EVC2: variants seen among roughly 807,000 people sequenced by gnomAD.
EVC2 encodes the protein EvC ciliary complex subunit 2, also known as limbin.
In EVC2, 148 loss-of-function variants were observed where a neutral mutation model predicts 149.3. The ratio of observed to expected loss-of-function variants is 0.99; its 90% CI spans 0.87 to 1.14. EVC2 has a LOEUF of 1.14. Ranked by LOEUF, EVC2 falls within the 50% of genes most tolerant of loss-of-function variation. The pLI, the probability that EVC2 is intolerant of heterozygous loss-of-function variation, is 0.00. For missense variants in EVC2, 1,854 were observed against 1,627.3 expected (o/e 1.14, Z -2.40); for synonymous variants, 776 against 649.9 (o/e 1.19, Z -2.95).
chr4:5,536,640 T>C, the EVC2 span, among the ~76,000 whole-genome samples: 49 of 152,034 alleles, frequency 3.2e-4, 1 homozygote, highest in South Asian at 8.3e-4. Flanking sequence ...AAAAATTAGC[T>C]GGGCATGGTG....
At chr4:5,571,022 G>A (rs1722612424) in intron 19 of EVC2, among the ~76,000 whole-genome samples, 1 of 152,070 alleles carries the variant, frequency 6.6e-6, no homozygotes, top group Non-Finnish European at 1.5e-5. Flanking sequence ...AAGGATAAAA[G>A]ACTACACATT....
intron 16 of EVC2, among the ~76,000 whole-genome samples, chr4:5,591,740 A>C (rs571058705): frequency 6.6e-6 from 1 of 152,288 alleles, no homozygotes; most frequent in South Asian, 2.1e-4. Context: ...GTGTCTCTAG[A>C]GAGGGTTTTA....
chr4:5,531,818 C>T, the EVC2 span, among the ~76,000 whole-genome samples: 3 of 151,882 alleles, frequency 2.0e-5, no homozygotes, highest in Non-Finnish European at 2.9e-5. Flanking sequence ...ATAAAGTGCA[C>T]AATAAATATA....
intron 3 of EVC2, among the ~76,000 whole-genome samples, chr4:5,692,894 A>G (rs199528005): frequency 0.14 from 20,591 of 144,026 alleles, 2,178 homozygotes; most frequent in East Asian, 0.3. Flanking sequence ...AAAAAAAGAA[A>G]AAAGAAAATT....
At chr4:5,553,218 T>A (rs976223880) in intron 21 of EVC2, among the ~76,000 whole-genome samples, 2 of 152,128 alleles carry the variant, frequency 1.3e-5, no homozygotes, top group Non-Finnish European at 2.9e-5. Flanking sequence ...ATGTCTCACA[T>A]GCCAGGAGCA....
chr4:5,536,517 G>A, the EVC2 span, among the ~76,000 whole-genome samples: 3 of 152,080 alleles, frequency 2.0e-5, no homozygotes, highest in Non-Finnish European at 4.4e-5. Context: ...GGGCGCGGTG[G>A]CTCACACCTG....
Position 5,657,439 on chromosome 4 carries a change from G to A in EVC2, c.1145+5668C>T, listed in dbSNP as rs116349098. On this transcript the variant is annotated intron_variant, in intron 9 of 21. Transcript: ENST00000344408. The surrounding 1 kb of genome is among the most constrained non-coding windows in gnomAD (Gnocchi z 4.7). The stretch of plus-strand genomic sequence containing the variant: ...TCCCTGCAAGAGTGTCCCAGCCACA[G>A]GACATCCTTGGAGGAAGCTGGGTAG... 7.8e-3 allele frequency among the ~76,000 whole-genome samples: 1,191 copies of A among 152,228 alleles called. 8 individuals are homozygous for A. The highest frequency in any genetic ancestry group is 0.031 in the Middle Eastern group (9 of 294).
At chr4:5,691,166 C>T in intron 4 of EVC2, 99 bp downstream of exon 4, 1 of 1,072,744 alleles carries the variant, frequency 9.3e-7, no homozygotes, top group Non-Finnish European at 1.4e-6. Context: ...GTAGGTAAGC[C>T]CATGATTTAT....
At chr4:5,545,166 G>A (rs1472947487) in intron 21 of EVC2, among the ~76,000 whole-genome samples, 1 of 152,182 alleles carries the variant, frequency 6.6e-6, no homozygotes, top group African/African-American at 2.4e-5. Flanking sequence ...TGTAGATAGT[G>A]AGCTCCTCTC....
At chr4:5,681,411 A>G (rs1720337369) in intron 6 of EVC2, 98 bp from the exon 7 acceptor site, 1 of 1,249,528 alleles carries the variant, frequency 8.0e-7, no homozygotes, top group African/African-American at 1.5e-5. Flanking sequence ...GCCTGGAGCT[A>G]CAATCAGCCC....
rs1028799991 is a variant in EVC2 at position 5,622,065 on chromosome 4, A to G, written c.2501+472T>C. Among the ~76,000 whole-genome samples the G allele has an allele frequency of 6.6e-6, 1 of 152,044 alleles. No homozygotes were observed. Among genetic ancestry groups the G allele is most frequent in the Admixed American group, 6.5e-5 (1 of 15,284 alleles). On this transcript the variant is annotated intron_variant, in intron 14 of 21. Coordinates refer to ENST00000344408, the MANE Select transcript of EVC2 (RefSeq NM_147127.5). The surrounding 1 kb of genome is among the most constrained non-coding windows in gnomAD (Gnocchi z 5.8). ...AAGAACTAACACGAAGGTCAAGATC[A>G]TGAGCAGCCTTGATGCCTGGTGAAA...
intron 1 of EVC2, among the ~76,000 whole-genome samples, chr4:5,700,050 G>T (rs1721730856): frequency 1.3e-5 from 2 of 152,246 alleles, no homozygotes; most frequent in South Asian, 4.2e-4. Flanking sequence ...TGAAGCAGGA[G>T]AATCACTTGA....
chr4:5,616,382 G>A (rs9991042), intron 15 of EVC2, among the ~76,000 whole-genome samples: 18,063 of 152,106 alleles, frequency 0.12, 2,168 homozygotes, highest in African/African-American at 0.31. Context: ...ACTCATGTCC[G>A]TGAATGGTCT....
rs114814873 is a variant in EVC2, at chr4:5,643,535, T to C, written c.1146-2697A>G. Among the ~76,000 whole-genome samples the C allele has an allele frequency of 8.1e-3, 1,237 of 152,288 alleles. 8 individuals are homozygous for C. The highest frequency in any genetic ancestry group is 0.012 in the Non-Finnish European group (794 of 68,018). On this transcript the variant is annotated intron_variant, in intron 9 of 21. Coordinates refer to ENST00000344408, the MANE Select transcript of EVC2 (RefSeq NM_147127.5). ...TGCATGTTGTTTTCCTGTTAATCTA[T>C]CTCATGTCAATTTAATTCTTGGGCC...
chr4:5,695,879 T>G (rs560844843), intron 2 of EVC2, among the ~76,000 whole-genome samples: 1 of 152,154 alleles, frequency 6.6e-6, no homozygotes, highest in African/African-American at 2.4e-5. Context: ...GGAAAAAAAC[T>G]AAAATCTGAT....
chr4:5,600,463 T>C (rs1453078154), intron 16 of EVC2, among the ~76,000 whole-genome samples: 10 of 152,182 alleles, frequency 6.6e-5, no homozygotes, highest in Non-Finnish European at 1.2e-4. Flanking sequence ...AAAAAAAATC[T>C]TTACAGTGGA....
chr4:5,583,395 C>G (rs1577116443), intron 17 of EVC2, among the ~76,000 whole-genome samples: 1 of 152,124 alleles, frequency 6.6e-6, no homozygotes, highest in African/African-American at 2.4e-5. Flanking sequence ...GCCTATTTTT[C>G]TAATACAAGG....
At chr4:5,627,057 CTA>C (rs1156459421) in intron 12 of EVC2, among the ~76,000 whole-genome samples, 1 of 152,164 alleles carries the variant, frequency 6.6e-6, no homozygotes, top group Non-Finnish European at 1.5e-5. Context: ...ACGATGCTGT[CTA>C]TATGTTTACA....
chr4:5,585,727 G>C (rs1455175837), intron 16 of EVC2, among the ~76,000 whole-genome samples: 2 of 151,978 alleles, frequency 1.3e-5, no homozygotes, highest in Non-Finnish European at 2.9e-5. Flanking sequence ...CCATGTTCTT[G>C]GTAATCCCAC....
Sources: gnomAD v4.1 joint callset for allele counts (sites outside exome capture counted in the v4.1 genomes callset) on GRCh38, gnomAD v4.1.1 for gene constraint, Gnocchi (gnomAD v3.1) non-coding constraint, MANE v1.5 for transcripts, NCBI Gene and HGNC (gene_info 2026-07-23, HGNC 2026-07-21) for gene names.